The following FUT6 variants were observed in gnomAD, a reference collection of about 807,000 sequenced individuals.
FUT6 encodes 4-galactosyl-N-acetylglucosaminide 3-alpha-L-fucosyltransferase FUT6.
For missense variants in FUT6, 454 were observed against 494.6 expected, an observed-to-expected ratio of 0.92 and a Z score of 0.78; for synonymous variants, 187 against 209.9, an observed-to-expected ratio of 0.89 and a Z score of 0.94.
intron 2 of FUT6, among the ~76,000 whole-genome samples, chr19:5,833,310 GA>G (rs1268602158): frequency 6.6e-6 from 1 of 152,044 alleles, no homozygotes; most frequent in Non-Finnish European, 1.5e-5. Flanking sequence ...CCAACGTGGT[GA>G]AACCCCATCT....
chr19:5,836,035 TG>T (rs1185166912), intron 1 of FUT6, among the ~76,000 whole-genome samples: 2 of 151,938 alleles, frequency 1.3e-5, no homozygotes, highest in East Asian at 3.9e-4. Context: ...ACTACAAGTG[TG>T]CACCATCATG....
chr19:5,834,527 G>A (rs959841004), intron 2 of FUT6: 3 of 152,626 alleles, frequency 2.0e-5, no homozygotes, highest in African/African-American at 7.2e-5. Context: ...GCCGGGTGTG[G>A]TGGCTCACGC....
intron 1 of FUT6, among the ~76,000 whole-genome samples, chr19:5,837,190 A>C (rs947188144): frequency 7.3e-5 from 11 of 151,590 alleles, no homozygotes; most frequent in Admixed American, 2.0e-4. Context: ...GGCGCCCCCC[A>C]CCACACCCAG....
chr19:5,832,582 G>A lies in FUT6; in HGVS notation c.-12-3C>T. 1 of 1,602,588 alleles carries A rather than the reference G, an allele frequency of 6.2e-7. No homozygotes were observed. Among genetic ancestry groups the A allele is most frequent in the Non-Finnish European group, 8.5e-7 (1 of 1,170,264 alleles). Reference sequence around the variant, plus strand: ...AGGGGATCCATGGGTCAGAGTATCTGGGAAGTGGGGAGAGAGGAGTGAGGG... The same window carrying A: ...AGGGGATCCATGGGTCAGAGTATCTAGGAAGTGGGGAGAGAGGAGTGAGGG... On this transcript the variant is annotated splice_polypyrimidine_tract_variant and splice_region_variant and intron_variant, in intron 2 of 2. Coordinates refer to ENST00000318336, the MANE Select transcript of FUT6 (RefSeq NM_000150.4). The surrounding 1 kb of genome is among the most constrained non-coding windows in gnomAD (Gnocchi z 4.3).
intron 1 of FUT6, among the ~76,000 whole-genome samples, chr19:5,836,914 C>T (rs2057187885): frequency 6.6e-6 from 1 of 152,004 alleles, no homozygotes; most frequent in African/African-American, 2.4e-5. Flanking sequence ...AAAAAGCACA[C>T]AAGAAACAGA....
intron 2 of FUT6, among the ~76,000 whole-genome samples, chr19:5,833,304 C>T (rs2057133150): frequency 6.6e-6 from 1 of 152,026 alleles, no homozygotes; most frequent in South Asian, 2.1e-4. Context: ...GCCTGGCCAA[C>T]GTGGTGAAAC....
chr19:5,838,703 C>T lies in FUT6; in HGVS notation c.-167G>A, dbSNP rs2057215159. 6.6e-6 allele frequency: 1 copy of T among 152,480 alleles called. No individual in the cohort carries two copies. Among genetic ancestry groups the T allele is most frequent in the Admixed American group, 6.5e-5 (1 of 15,272 alleles). The allele number at this position is 152,480 out of a possible 1,614,324, so 9.4% of individuals were successfully genotyped here. A position where few individuals can be genotyped will look rare whatever the true frequency, so the allele number is the denominator to read the frequency against. On this transcript the variant is annotated 5_prime_UTR_variant, in exon 1 of 3. The change abolishes the stop of an existing upstream ORF in the 5' untranslated region. Coordinates refer to ENST00000318336, the MANE Select transcript of FUT6 (RefSeq NM_000150.4). ...TGGGGGGGCCAGTGTGCAGAGGGCC[C>T]TAGAGCTGAGAGGCCGCGGACGGAG...
At chr19:5,835,896 AT>A (rs979999702) in intron 1 of FUT6, among the ~76,000 whole-genome samples, 27 of 150,436 alleles carry the variant, frequency 1.8e-4, no homozygotes, top group East Asian at 6.0e-4. Context: ...GTTAATGCTA[AT>A]TTTTTTTTTC....
rs1468748582 is a variant in FUT6 at position 5,838,962 on chromosome 19, A to C, written c.-426T>G. The stretch of plus-strand genomic sequence containing the variant: ...GATTTGGAGACTCAGGTCATGCATG[A>C]CCTTGCCCCACCTGTGGCTTCAATG... On this transcript the variant is annotated 5_prime_UTR_variant, in exon 1 of 3. Transcript: ENST00000318336. 1 of 152,030 alleles carries C rather than the reference A, an allele frequency of 6.6e-6. No individual in the cohort carries two copies. The highest frequency in any genetic ancestry group is 2.4e-5 in the African/African-American group (1 of 41,384). 9.4% of individuals were successfully genotyped at this position (152,030 alleles called of 1,614,324 possible).
In FUT6 at chr19:5,833,285, A is replaced by G. The variant is rs142805855; in HGVS notation, c.-12-706T>C. ...GCCGAGGCGGGCAGATCACGAGGTC[A>G]AGAGACCAGCCTGGCCAACGTGGTG... On this transcript the variant is annotated intron_variant, in intron 2 of 2. Transcript: ENST00000318336. 6.3e-3 allele frequency among the ~76,000 whole-genome samples: 964 copies of G among 152,188 alleles called. 2 individuals are homozygous for G. Among genetic ancestry groups the G allele is most frequent in the Non-Finnish European group, 8.9e-3 (605 of 68,000 alleles).
At position 5,831,512 on chromosome 19, in the gene FUT6, G is replaced by A. The variant is rs763682640; in HGVS notation, c.1056C>T (p.Arg352=). The change falls in exon 3 of 3, where the codon CGC becomes CGT. Residue 352 remains arginine (R), a synonymous_variant. Coordinates refer to ENST00000318336, the MANE Select transcript of FUT6 (RefSeq NM_000150.4). This position sits in a 1 kb window ranked among gnomAD's most constrained non-coding sequence, Gnocchi z 7.0. The stretch of plus-strand genomic sequence containing the variant: ...CTCAGGTGAACCAAGCCGCTATGCC[G>A]CGTGTCTGGTACCTGGATTCCTCCT... ...KLQEESRYQT[R]GIAAWFT is the part of the protein sequence containing the mutation. The A allele has an allele frequency of 6.8e-6, 11 of 1,613,976 alleles. No individual in the cohort carries two copies. Among genetic ancestry groups the A allele is most frequent in the Admixed American group, 3.3e-5 (2 of 60,012 alleles).
In FUT6 at chr19:5,831,510, C is replaced by A. The variant is rs1452445039; in HGVS notation, c.1058G>T (p.Gly353Val). 3.1e-6 allele frequency: 5 copies of A among 1,614,116 alleles called. No homozygotes were observed. The highest frequency in any genetic ancestry group is 4.2e-6 in the Non-Finnish European group (5 of 1,180,050). ...LQEESRYQTR[G>V]IAAWFT is the part of the protein sequence containing the mutation. ...CTCTCAGGTGAACCAAGCCGCTATGCCGCGTGTCTGGTACCTGGATTCCTC... is the reference window on the plus strand; with the variant it reads ...CTCTCAGGTGAACCAAGCCGCTATGACGCGTGTCTGGTACCTGGATTCCTC... Residue 353 changes from glycine to valine, a missense_variant, in exon 3 of 3, where the codon GGC becomes GTC. Coordinates refer to ENST00000318336, the MANE Select transcript of FUT6 (RefSeq NM_000150.4). This position sits in a 1 kb window ranked among gnomAD's most constrained non-coding sequence, Gnocchi z 7.0.
chr19:5,833,711 T>G (rs2057139861), intron 2 of FUT6, among the ~76,000 whole-genome samples: 1 of 150,586 alleles, frequency 6.6e-6, no homozygotes, highest in South Asian at 2.1e-4. Flanking sequence ...GAGAATCACT[T>G]GAACCCGGGA....
intron 1 of FUT6, among the ~76,000 whole-genome samples, chr19:5,836,021 TG>T (rs1161652284): frequency 4.6e-5 from 7 of 152,064 alleles, no homozygotes; most frequent in African/African-American, 1.7e-4. Flanking sequence ...CTCGAGTAGC[TG>T]GGACTACAAG....
intron 2 of FUT6, among the ~76,000 whole-genome samples, chr19:5,833,614 T>A (rs956861856): frequency 1.3e-5 from 2 of 150,270 alleles, no homozygotes; most frequent in African/African-American, 4.9e-5. Flanking sequence ...GCCAACGTGG[T>A]GAAACCCATC....
In FUT6 at chr19:5,835,073, T is replaced by C. The variant is rs1198058698; in HGVS notation, c.-136A>G. On this transcript the variant is annotated 5_prime_UTR_variant, in exon 2 of 3. Coordinates refer to ENST00000318336, the MANE Select transcript of FUT6 (RefSeq NM_000150.4). ...GCACTGGATCCCGTCTGGATGCCCG[T>C]GACACTGCAAAAAGCCAGAGACATA... 3 of 152,130 alleles carry C rather than the reference T, an allele frequency of 2.0e-5. No homozygotes were observed. The highest frequency in any genetic ancestry group is 2.9e-5 in the Non-Finnish European group (2 of 68,030). The allele number at this position is 152,130 out of a possible 1,614,324, so 9.4% of individuals were successfully genotyped here.
Position 5,831,503 on chromosome 19 carries a change from C to T in FUT6, c.1065G>A (p.Ala355=), listed in dbSNP as rs759460528. 1.5e-5 allele frequency: 24 copies of T among 1,614,066 alleles called. No individual in the cohort carries two copies. Among genetic ancestry groups the T allele is most frequent in the South Asian group, 1.1e-4 (10 of 91,082 alleles). The change falls in exon 3 of 3, where the codon GCG becomes GCA. Residue 355 remains alanine, a synonymous_variant. Transcript: ENST00000318336. The surrounding 1 kb of genome is among the most constrained non-coding windows in gnomAD (Gnocchi z 7.0). The stretch of plus-strand genomic sequence containing the variant: ...CACCAGCCTCTCAGGTGAACCAAGC[C>T]GCTATGCCGCGTGTCTGGTACCTGG... ...EESRYQTRGI[A]AWFT
At position 5,831,469 on chromosome 19, in the gene FUT6, C is replaced by G; in HGVS notation, c.*19G>C. On this transcript the variant is annotated 3_prime_UTR_variant, in exon 3 of 3. Coordinates refer to ENST00000318336, the MANE Select transcript of FUT6 (RefSeq NM_000150.4). The surrounding 1 kb of genome is among the most constrained non-coding windows in gnomAD (Gnocchi z 7.0). ...CAGGAAAATGAGGTTCCTGGCAGCC[C>G]AGGCCCCACACCAGCCTCTCAGGTG... 1 of 1,613,860 alleles carries G rather than the reference C, an allele frequency of 6.2e-7. No individual in the cohort carries two copies. The highest frequency in any genetic ancestry group is 8.5e-7 in the Non-Finnish European group (1 of 1,180,050).
Position 5,831,532 on chromosome 19 carries a change from C to T in FUT6, c.1036G>A (p.Glu346Lys), listed in dbSNP as rs1032782506. The T allele has an allele frequency of 4.3e-6, 7 of 1,614,058 alleles. No homozygotes were observed. Among genetic ancestry groups the T allele is most frequent in the South Asian group, 2.2e-5 (2 of 91,096 alleles). ...FCKACWKLQEESRYQTRGIAA... is the reference protein window; with the variant it reads ...FCKACWKLQEKSRYQTRGIAA... ...ATGCCGCGTGTCTGGTACCTGGATT[C>T]CTCCTGCAGTTTCCAGCAGGCCTTG... The change falls in exon 3 of 3, where the codon GAA (glutamate) becomes AAA (lysine). Residue 346 changes from glutamate to lysine, a missense_variant. Physicochemically the swap from Glu to Lys is moderately conservative, Grantham distance 56 (BLOSUM62 1). Coordinates refer to ENST00000318336, the MANE Select transcript of FUT6 (RefSeq NM_000150.4). This position sits in a 1 kb window ranked among gnomAD's most constrained non-coding sequence, Gnocchi z 7.0.
Sources: allele counts gnomAD v4.1 joint callset (sites outside exome capture counted in the v4.1 genomes callset), GRCh38; gene constraint gnomAD v4.1.1; non-coding constraint Gnocchi (gnomAD v3.1); transcripts MANE v1.5; gene names NCBI Gene and HGNC (gene_info 2026-07-23, HGNC 2026-07-21).